The following IKZF2 variants were observed in gnomAD, a reference collection of about 807,000 sequenced individuals.
IKZF2 encodes the protein IKAROS family zinc finger 2, also known as zinc finger protein Helios.
IKZF2 carries 15 observed loss-of-function variants against 49.2 expected under a neutral mutation model. The ratio of observed to expected loss-of-function variants is 0.30; its 90% CI spans 0.20 to 0.47. The LOEUF (loss-of-function observed/expected upper bound fraction) is 0.47. IKZF2 is among the 20% of genes least tolerant of loss of function. IKZF2 has a pLI of 1.00. For missense variants in IKZF2, 567 were observed against 664.6 expected, an observed-to-expected ratio of 0.85 and a Z score of 1.61; for synonymous variants, 227 against 221.4, an observed-to-expected ratio of 1.03 and a Z score of -0.23.
intron 4 of IKZF2, among the ~76,000 whole-genome samples, chr2:213,127,701 T>G (rs2060313333): frequency 6.6e-6 from 1 of 152,186 alleles, no homozygotes; most frequent in African/African-American, 2.4e-5. Context: ...ATAAAAGTAA[T>G]TTGAAATCAA....
chr2:213,114,927 C>A (rs369260086), intron 4 of IKZF2, among the ~76,000 whole-genome samples: 30 of 139,000 alleles, frequency 2.2e-4, no homozygotes, highest in Admixed American at 2.8e-4. Context: ...GACTCCATCT[C>A]AAAAAAAAAA....
At chr2:213,127,137 G>A (rs922184678) in intron 4 of IKZF2, among the ~76,000 whole-genome samples, 1 of 152,288 alleles carries the variant, frequency 6.6e-6, no homozygotes, top group Non-Finnish European at 1.5e-5. Context: ...TGCTATTAGA[G>A]AGGTAAACAA....
chr2:213,142,307 G>A (rs13413992), intron 4 of IKZF2, among the ~76,000 whole-genome samples: 8,307 of 151,690 alleles, frequency 0.055, 758 homozygotes, highest in African/African-American at 0.19. Context: ...AATAACGGAG[G>A]GTTCCTGCTT....
rs1695165998 is a variant in IKZF2 at position 213,004,557 on chromosome 2, A to C, written c.*2803T>G. 1 of 151,988 alleles carries C rather than the reference A, an allele frequency of 6.6e-6. No individual in the cohort carries two copies. The highest frequency in any genetic ancestry group is 2.4e-5 in the African/African-American group (1 of 41,440). The allele number at this position is 151,988 out of a possible 1,614,324, so 9.4% of individuals were successfully genotyped here. A position where few individuals can be genotyped will look rare whatever the true frequency, so the allele number is the denominator to read the frequency against. On this transcript the variant is annotated 3_prime_UTR_variant, in exon 9 of 9. Coordinates refer to ENST00000434687, the MANE Select transcript of IKZF2 (RefSeq NM_001387220.1). Reference sequence around the variant, plus strand: ...TGTAATGTGAAATCTCACCTAAACAAACTGGGCATACAACTGTTATGTAAA... The same window carrying C: ...TGTAATGTGAAATCTCACCTAAACACACTGGGCATACAACTGTTATGTAAA...
chr2:213,034,883 G>A (rs1698853631), intron 6 of IKZF2, among the ~76,000 whole-genome samples: 1 of 152,074 alleles, frequency 6.6e-6, no homozygotes, highest in African/African-American at 2.4e-5. Context: ...ATAAAGTAAG[G>A]CACAATAAAG....
Position 213,047,776 on chromosome 2 carries a change from C to T in IKZF2, c.574+1937G>A, listed in dbSNP as rs182790748. On this transcript the variant is annotated intron_variant, in intron 6 of 8. Transcript: ENST00000434687. ...ACTCAGGGGATTTACTGGGGCATCTCTTTAGAAATACTTACCTCATAATTT... is the reference window on the plus strand; with the variant it reads ...ACTCAGGGGATTTACTGGGGCATCTTTTTAGAAATACTTACCTCATAATTT... Among the ~76,000 whole-genome samples the T allele has an allele frequency of 3.2e-3, 493 of 152,080 alleles. 3 individuals carry two copies. Among genetic ancestry groups the T allele is most frequent in the African/African-American group, 0.011 (461 of 41,502 alleles).
chr2:213,129,860 C>T (rs1011534514), intron 4 of IKZF2, among the ~76,000 whole-genome samples: 1 of 152,050 alleles, frequency 6.6e-6, no homozygotes, highest in Admixed American at 6.5e-5. Flanking sequence ...AGAAGCAGAG[C>T]CAAGGATTTC....
At chr2:213,025,398 A>C (rs6714249) in intron 6 of IKZF2, among the ~76,000 whole-genome samples, 170 of 152,204 alleles carry the variant, frequency 1.1e-3, no homozygotes, top group African/African-American at 3.9e-3. Flanking sequence ...TCCCTTCCCT[A>C]CAACCAAAAC....
chr2:213,138,595 A>T (rs1236072788), intron 4 of IKZF2, among the ~76,000 whole-genome samples: 8 of 152,038 alleles, frequency 5.3e-5, no homozygotes, highest in African/African-American at 1.7e-4. Context: ...AATGCATACA[A>T]TGCATATGCT....
intron 3 of IKZF2, 148 bp from the exon 4 acceptor site, chr2:213,147,960 T>C (rs898314573): frequency 1.1e-5 from 7 of 611,848 alleles, no homozygotes; most frequent in Non-Finnish European, 2.0e-5. Flanking sequence ...GGAAATATCA[T>C]TTAGAAATAT....
chr2:213,079,165 GC>G (rs1360624143), intron 4 of IKZF2, among the ~76,000 whole-genome samples: 1 of 151,940 alleles, frequency 6.6e-6, no homozygotes, highest in African/African-American at 2.4e-5. Context: ...GATCACTTGA[GC>G]CCACTGGTTC....
At position 213,000,731 on chromosome 2, in the gene IKZF2, T is replaced by C. The variant is rs1280666580; in HGVS notation, c.*6629A>G. ...GATATGTAAGTGTTTAAAACTCAGC[T>C]AAGTGCTTTGCTTTTATTTAAAAGT... On this transcript the variant is annotated 3_prime_UTR_variant, in exon 9 of 9. Coordinates refer to ENST00000434687, the MANE Select transcript of IKZF2 (RefSeq NM_001387220.1). 3 of 151,996 alleles carry C rather than the reference T, an allele frequency of 2.0e-5. No individual in the cohort carries two copies. Among genetic ancestry groups the C allele is most frequent in the Non-Finnish European group, 4.4e-5 (3 of 67,648 alleles). The allele number at this position is 151,996 out of a possible 1,614,324, so 9.4% of individuals were successfully genotyped here.
intron 4 of IKZF2, among the ~76,000 whole-genome samples, chr2:213,075,251 T>C (rs75092988): frequency 0.022 from 3,305 of 151,866 alleles, 125 homozygotes; most frequent in African/African-American, 0.075. Flanking sequence ...AATCGCTGCT[T>C]TAGAGAAACA....
chr2:213,022,188 T>G (rs1245325937), intron 6 of IKZF2, 58 bp from the exon 7 acceptor site: 33 of 1,447,590 alleles, frequency 2.3e-5, no homozygotes, highest in African/African-American at 2.9e-5. Context: ...CAAAGCAAAA[T>G]CAATAGCTAA....
At chr2:213,013,710 T>C (rs1696240341) in intron 8 of IKZF2, 81 bp downstream of exon 8, 4 of 1,246,374 alleles carry the variant, frequency 3.2e-6, no homozygotes, top group Non-Finnish European at 2.3e-6. Context: ...AAACACACCA[T>C]ATATATTTCT....
chr2:213,008,134 C>T, intron 8 of IKZF2, 50 bp from the exon 9 acceptor site: 1 of 1,453,438 alleles, frequency 6.9e-7, no homozygotes, highest in Non-Finnish European at 9.2e-7. Flanking sequence ...AAAAATACAA[C>T]AACATTAGTA....
In IKZF2 at chr2:213,016,126, G is replaced by A. The variant is rs537801299; in HGVS notation, c.713-2192C>T. Among the ~76,000 whole-genome samples the A allele has an allele frequency of 5.9e-5, 9 of 152,052 alleles. No homozygotes were observed. In the South Asian group the frequency reaches 1.9e-3, roughly 32 times the overall value. On this transcript the variant is annotated intron_variant, in intron 7 of 8. Transcript: ENST00000434687. ...AAATTGATCTTGTTTCTACCACATC[G>A]GCAATAATAATAACTGACGTATACT...
chr2:213,087,192 G>A (rs984129253), intron 4 of IKZF2, among the ~76,000 whole-genome samples: 4 of 151,500 alleles, frequency 2.6e-5, no homozygotes, highest in Admixed American at 1.3e-4. Flanking sequence ...CAGAGCAGAG[G>A]AAAAAAAATG....
chr2:213,058,972 G>A (rs1309745618), intron 4 of IKZF2, among the ~76,000 whole-genome samples: 1 of 151,768 alleles, frequency 6.6e-6, no homozygotes, highest in South Asian at 2.1e-4. Flanking sequence ...AGCATCATTT[G>A]TTCATCCAGT....
Sources: gnomAD v4.1 joint callset for allele counts (sites outside exome capture counted in the v4.1 genomes callset) on GRCh38, gnomAD v4.1.1 for gene constraint, MANE v1.5 for transcripts, NCBI Gene and HGNC (gene_info 2026-07-23, HGNC 2026-07-21) for gene names.